The following FAM185A variants were observed in gnomAD, a reference collection of about 807,000 sequenced individuals.
FAM185A encodes protein FAM185A.
A neutral mutation model predicts 45.7 loss-of-function variants in FAM185A; 21 were observed. The ratio of observed to expected loss-of-function variants is 0.46; its 90% CI spans 0.33 to 0.66. The LOEUF (loss-of-function observed/expected upper bound fraction) is 0.66. FAM185A is among the 30% of genes least tolerant of loss of function. The pLI, the probability that FAM185A is intolerant of heterozygous loss-of-function variation, is 0.03. For missense variants in FAM185A, 305 were observed against 485.4 expected (o/e 0.63, Z 3.49); for synonymous variants, 117 against 194.0 (o/e 0.60, Z 3.30).
At chr7:102,848,229 C>T in the FAM185A span, among the ~76,000 whole-genome samples, 1 of 152,080 alleles carries the variant, frequency 6.6e-6, no homozygotes, top group South Asian at 2.1e-4. Context: ...TGTCTAGCTG[C>T]AAGATTTTCA....
chr7:102,771,023 C>A (rs983800513), intron 4 of FAM185A, among the ~76,000 whole-genome samples: 3 of 152,154 alleles, frequency 2.0e-5, no homozygotes, highest in Non-Finnish European at 4.4e-5. Flanking sequence ...GAATACTATG[C>A]GGCCATAAAG....
chr7:102,816,007 G>C, the FAM185A span, among the ~76,000 whole-genome samples: 1 of 152,268 alleles, frequency 6.6e-6, no homozygotes, highest in East Asian at 1.9e-4. Flanking sequence ...GGACAGAATC[G>C]AAATGAGCTG....
rs1042807997 is a variant in FAM185A at position 102,807,802 on chromosome 7, T to C, written c.1067-488T>C. On this transcript the variant is annotated intron_variant, in intron 7 of 7. Transcript: ENST00000413034. ...GGCTGGGCGTGGTGGCTCATGCCTG[T>C]AATCCTAGCACTTTGGGAGGCCAAG... Among the ~76,000 whole-genome samples the C allele has an allele frequency of 2.0e-5, 3 of 151,248 alleles. No homozygotes were observed. In the East Asian group the frequency reaches 5.8e-4, roughly 29 times the overall value.
chr7:102,823,667 T>C, the FAM185A span, among the ~76,000 whole-genome samples: 1 of 152,254 alleles, frequency 6.6e-6, no homozygotes, highest in Non-Finnish European at 1.5e-5. Context: ...AAAGGAATTT[T>C]TTTCCAACTG....
chr7:102,831,344 CAT>C, the FAM185A span, among the ~76,000 whole-genome samples: 2 of 151,392 alleles, frequency 1.3e-5, no homozygotes, highest in Admixed American at 6.6e-5. Flanking sequence ...GTGCTACTGA[CAT>C]ATAGTGAGTA....
At chr7:102,834,339 C>A in the FAM185A span, among the ~76,000 whole-genome samples, 1 of 147,090 alleles carries the variant, frequency 6.8e-6, no homozygotes, top group Non-Finnish European at 1.5e-5. Context: ...ATTTTAGTAA[C>A]CCTAATGGGT....
chr7:102,757,005 G>GA (rs1333057620), intron 2 of FAM185A, among the ~76,000 whole-genome samples: 1 of 148,150 alleles, frequency 6.7e-6, no homozygotes, highest in African/African-American at 2.5e-5. Context: ...TTTTACTTTG[G>GA]AAAAAAATGG....
chr7:102,786,689 C>T (rs1206999015), intron 6 of FAM185A, among the ~76,000 whole-genome samples: 1 of 152,002 alleles, frequency 6.6e-6, no homozygotes, highest in Non-Finnish European at 1.5e-5. Flanking sequence ...GGGGTCAGGG[C>T]AGTGGGGAGG....
the FAM185A span, among the ~76,000 whole-genome samples, chr7:102,827,889 T>C: frequency 2.6e-5 from 4 of 152,148 alleles, no homozygotes; most frequent in African/African-American, 4.8e-5. Flanking sequence ...GATCAGATGG[T>C]TGTAGATATG....
At chr7:102,848,007 C>A in the FAM185A span, among the ~76,000 whole-genome samples, 1 of 152,004 alleles carries the variant, frequency 6.6e-6, no homozygotes, top group Non-Finnish European at 1.5e-5. Flanking sequence ...ATTTAATTTA[C>A]CTACATATAC....
chr7:102,751,593 A>G (rs1376469452), intron 1 of FAM185A, 99 bp from the exon 2 acceptor site: 81 of 1,380,766 alleles, frequency 5.9e-5, no homozygotes, highest in Non-Finnish European at 1.4e-5. Flanking sequence ...GGATTCAGCA[A>G]TATTACGGAC....
intron 4 of FAM185A, among the ~76,000 whole-genome samples, chr7:102,770,900 A>G (rs62484885): frequency 0.021 from 2,676 of 127,386 alleles, no homozygotes; most frequent in Non-Finnish European, 0.032. Context: ...AAAAAGACAC[A>G]TGCACTCAAC....
downstream of FAM185A, chr7:102,809,307 A>T (rs776786883): frequency 6.6e-6 from 1 of 152,254 alleles, no homozygotes; most frequent in African/African-American, 2.4e-5. Context: ...TTATAGCCTG[A>T]TGTATGAAGA....
the FAM185A span, among the ~76,000 whole-genome samples, chr7:102,814,612 T>C: frequency 1.3e-5 from 2 of 152,246 alleles, no homozygotes; most frequent in Non-Finnish European, 2.9e-5. Flanking sequence ...TTTAGCTTAT[T>C]ATTGGCTCTC....
chr7:102,763,432 G>C (rs1040190221), intron 4 of FAM185A, among the ~76,000 whole-genome samples: 1 of 152,174 alleles, frequency 6.6e-6, no homozygotes, highest in Non-Finnish European at 1.5e-5. Flanking sequence ...TGAGCACAGC[G>C]AATTTACTAG....
chr7:102,785,623 C>A (rs1795740091), intron 6 of FAM185A, among the ~76,000 whole-genome samples: 1 of 151,128 alleles, frequency 6.6e-6, no homozygotes, highest in Non-Finnish European at 1.5e-5. Context: ...AACTGGCTAG[C>A]CATATGTAGA....
At chr7:102,799,738 G>C (rs538767931) in intron 7 of FAM185A, among the ~76,000 whole-genome samples, 65 of 152,202 alleles carry the variant, frequency 4.3e-4, no homozygotes, top group Non-Finnish European at 8.1e-4. Flanking sequence ...AAGGGAAAGT[G>C]TTTGTTTGTA....
chr7:102,817,139 G>A, the FAM185A span, among the ~76,000 whole-genome samples: 2 of 152,280 alleles, frequency 1.3e-5, no homozygotes, highest in African/African-American at 4.8e-5. Context: ...TGGGATTACT[G>A]GATGAAATGG....
At chr7:102,790,108 T>C (rs1796058068) in intron 7 of FAM185A, among the ~76,000 whole-genome samples, 1 of 152,132 alleles carries the variant, frequency 6.6e-6, no homozygotes, top group Admixed American at 6.5e-5. Context: ...GCAGAAGATA[T>C]ACACTCTAAC....
Sources: gnomAD v4.1 joint callset for allele counts (sites outside exome capture counted in the v4.1 genomes callset) on GRCh38, gnomAD v4.1.1 for gene constraint, MANE v1.5 for transcripts, NCBI Gene and HGNC (gene_info 2026-07-23, HGNC 2026-07-21) for gene names.